Variants in ZNF475 observed in about 807,000 individuals in gnomAD.
ZNF475 encodes the protein zinc finger protein 475.
the ZNF475 span, among the ~76,000 whole-genome samples, chr5:122,166,825 A>C: frequency 6.6e-6 from 1 of 152,226 alleles, no homozygotes; most frequent in Non-Finnish European, 1.5e-5. Context: ...TTATAGCAGC[A>C]TGATTTATAA....
At chr5:122,175,012 C>T in the ZNF475 span, among the ~76,000 whole-genome samples, 1 of 151,972 alleles carries the variant, frequency 6.6e-6, no homozygotes, top group Non-Finnish European at 1.5e-5. Context: ...TTAGAACCTA[C>T]CATATGGCTA....
At chr5:122,179,883 A>C in the ZNF475 span, 1 of 537,270 alleles carries the variant, frequency 1.9e-6, no homozygotes, top group East Asian at 3.1e-5. Flanking sequence ...AACAGTTCTG[A>C]AATGCCTGTC....
At chr5:122,175,103 G>GA in the ZNF475 span, among the ~76,000 whole-genome samples, 1 of 151,970 alleles carries the variant, frequency 6.6e-6, no homozygotes, top group Non-Finnish European at 1.5e-5. Context: ...TAAAATAATA[G>GA]AAAAAAATTC....
the ZNF475 span, chr5:122,179,720 G>A: frequency 1.3e-6 from 2 of 1,512,972 alleles, no homozygotes; most frequent in Non-Finnish European, 8.8e-7. Flanking sequence ...CAGAAGTCAG[G>A]ACCATTACTG....
chr5:122,170,533 G>A, the ZNF475 span, among the ~76,000 whole-genome samples: 1 of 152,170 alleles, frequency 6.6e-6, no homozygotes, highest in Non-Finnish European at 1.5e-5. Context: ...CAAAGTACGG[G>A]GTTAGGGGTG....
At chr5:122,167,575 C>T in the ZNF475 span, among the ~76,000 whole-genome samples, 1 of 152,164 alleles carries the variant, frequency 6.6e-6, no homozygotes, top group African/African-American at 2.4e-5. Context: ...TGACTTTTAA[C>T]TGACTGCATT....
the ZNF475 span, among the ~76,000 whole-genome samples, chr5:122,169,883 G>C: frequency 8.5e-5 from 13 of 152,290 alleles, no homozygotes; most frequent in Admixed American, 4.6e-4. Context: ...TCAGGTGTGG[G>C]AAACAGCCTA....
the ZNF475 span, among the ~76,000 whole-genome samples, chr5:122,170,630 CATTTGGAGTTTCTA>C: frequency 2.6e-5 from 4 of 152,158 alleles, no homozygotes; most frequent in Non-Finnish European, 5.9e-5. Context: ...TGAAACCCTT[CATTTGGAGTTTCTA>C]TGGAGGTTCC....
At chr5:122,176,618 C>G in the ZNF475 span, among the ~76,000 whole-genome samples, 2 of 152,134 alleles carry the variant, frequency 1.3e-5, no homozygotes, top group Non-Finnish European at 2.9e-5. Context: ...GAGTGTAAGA[C>G]ATGGTGGGTA....
chr5:122,181,883 C>T, the ZNF475 span, among the ~76,000 whole-genome samples: 1 of 152,116 alleles, frequency 6.6e-6, no homozygotes, highest in Non-Finnish European at 1.5e-5. Flanking sequence ...TTCTTAAGGA[C>T]GTATCTTTTT....
At chr5:122,168,604 T>G in the ZNF475 span, among the ~76,000 whole-genome samples, 1 of 152,192 alleles carries the variant, frequency 6.6e-6, no homozygotes, top group Admixed American at 6.5e-5. Context: ...TCCCAGCTGC[T>G]CCAGAGGCTG....
chr5:122,182,638 AG>A, the ZNF475 span: 1 of 1,534,682 alleles, frequency 6.5e-7, no homozygotes, highest in Non-Finnish European at 8.7e-7. Flanking sequence ...AAAGCCGCCA[AG>A]TAAAGCCCTT....
the ZNF475 span, among the ~76,000 whole-genome samples, chr5:122,181,627 G>T: frequency 2.6e-5 from 4 of 152,192 alleles, no homozygotes; most frequent in African/African-American, 9.7e-5. Context: ...AAGCTTTAAC[G>T]AAGTAATCTA....
chr5:122,182,576 G>A, the ZNF475 span: 2 of 1,535,582 alleles, frequency 1.3e-6, no homozygotes, highest in Admixed American at 2.0e-5. Flanking sequence ...ATGTTTGTGG[G>A]CGTACCTTCC....
At chr5:122,180,699 TG>T in the ZNF475 span, among the ~76,000 whole-genome samples, 2 of 152,148 alleles carry the variant, frequency 1.3e-5, no homozygotes, top group Admixed American at 6.5e-5. Context: ...AAAAGTACCT[TG>T]GGGGTCATTT....
chr5:122,161,529 T>C, the ZNF475 span, among the ~76,000 whole-genome samples: 2 of 152,230 alleles, frequency 1.3e-5, no homozygotes, highest in Admixed American at 6.5e-5. Context: ...CTTCTTTTTA[T>C]AGGAAAATTC....
At chr5:122,162,894 C>T in the ZNF475 span, 1 of 152,176 alleles carries the variant, frequency 6.6e-6, no homozygotes, top group Admixed American at 6.5e-5. Context: ...TCCCCAGTCC[C>T]ATCCAATGGC....
At chr5:122,165,399 A>G in the ZNF475 span, among the ~76,000 whole-genome samples, 1 of 152,212 alleles carries the variant, frequency 6.6e-6, no homozygotes, top group African/African-American at 2.4e-5. Flanking sequence ...ATTGACATAT[A>G]TGGTCAGTTC....
At chr5:122,182,478 T>G in the ZNF475 span, 1 of 1,452,040 alleles carries the variant, frequency 6.9e-7, no homozygotes, top group Non-Finnish European at 9.0e-7. Context: ...GCTTTTTTCC[T>G]TTAACTTTCC....
Sources: allele counts gnomAD v4.1 joint callset (sites outside exome capture counted in the v4.1 genomes callset), GRCh38; gene constraint gnomAD v4.1.1; transcripts MANE v1.5; gene names NCBI Gene and HGNC (gene_info 2026-07-23, HGNC 2026-07-21).